Variants in HOXA3 observed in about 807,000 individuals in gnomAD.
HOXA3 encodes the protein homeobox protein Hox-A3.
Under a neutral mutation model 30.3 loss-of-function variants are expected in HOXA3, and 8 were observed. That is an observed-to-expected ratio of 0.26 (90% confidence interval 0.15 to 0.48). HOXA3 has a LOEUF of 0.48. Among genes scored for constraint, HOXA3 ranks in the 20% least tolerant of loss-of-function variants. The pLI is 0.99. For missense variants in HOXA3, 653 were observed against 614.4 expected, an observed-to-expected ratio of 1.06 and a Z score of -0.66; for synonymous variants, 323 against 273.1, an observed-to-expected ratio of 1.18 and a Z score of -1.80.
chr7:27,121,636 TGG>T (rs1324942832), intron 4 of HOXA3, among the ~76,000 whole-genome samples: 1 of 152,222 alleles, frequency 6.6e-6, no homozygotes, highest in Non-Finnish European at 1.5e-5. Flanking sequence ...GATATCTATT[TGG>T]GAGCAAATTT....
chr7:27,110,715 C>T lies in HOXA3; in HGVS notation c.-75G>A. 15 of 1,576,478 alleles carry T rather than the reference C, an allele frequency of 9.5e-6. No individual in the cohort carries two copies. The highest frequency in any genetic ancestry group is 1.3e-5 in the African/African-American group (1 of 74,508). ...CGTGAGGGCGCACATTGGCACGCCC[C>T]CGCGGTCACGTGACACTCCGCCGCC... is the stretch of plus-strand genomic sequence containing the variant. On this transcript the variant is annotated 5_prime_UTR_variant, in exon 5 of 6. Transcript: ENST00000612286.
intron 4 of HOXA3, chr7:27,122,179 G>A (rs892702888): frequency 1.3e-5 from 2 of 152,262 alleles, no homozygotes; most frequent in African/African-American, 2.4e-5. Context: ...TCGACAAAGA[G>A]AGCAGCCCAC....
At chr7:27,114,300 T>C (rs1784553612) in intron 4 of HOXA3, among the ~76,000 whole-genome samples, 1 of 152,134 alleles carries the variant, frequency 6.6e-6, no homozygotes, top group Admixed American at 6.5e-5. Flanking sequence ...GGGCTCTATT[T>C]CTTAGGAATT....
chr7:27,115,095 C>A (rs561787159), intron 4 of HOXA3, among the ~76,000 whole-genome samples: 81 of 150,228 alleles, frequency 5.4e-4, no homozygotes, highest in Non-Finnish European at 1.0e-3. Flanking sequence ...AATCCCAAGG[C>A]GTCAACGGCG....
At chr7:27,111,876 A>G (rs899856024) in intron 4 of HOXA3, among the ~76,000 whole-genome samples, 2 of 152,158 alleles carry the variant, frequency 1.3e-5, no homozygotes, top group Admixed American at 6.5e-5. Flanking sequence ...AATTTGATGT[A>G]TGGGGGTCAT....
At chr7:27,116,455 G>T (rs1350789780) in intron 4 of HOXA3, 4 of 152,382 alleles carry the variant, frequency 2.6e-5, no homozygotes, top group African/African-American at 9.7e-5. Context: ...AGGTAGAAGG[G>T]GACTAGCCTT....
At chr7:27,143,409 C>G in intron 1 of HOXA3, 1 of 1,610,842 alleles carries the variant, frequency 6.2e-7, no homozygotes, top group Non-Finnish European at 8.5e-7. Context: ...GCGCGCTCTC[C>G]GGAGCCAAAG....
At chr7:27,139,857 A>G (rs984155097) in intron 2 of HOXA3, among the ~76,000 whole-genome samples, 4 of 152,216 alleles carry the variant, frequency 2.6e-5, no homozygotes, top group East Asian at 1.9e-4. Context: ...TGCTGCAATT[A>G]AAGTTAGGCC....
chr7:27,137,650 G>C (rs1345557003), intron 2 of HOXA3, among the ~76,000 whole-genome samples: 1 of 152,226 alleles, frequency 6.6e-6, no homozygotes, highest in African/African-American at 2.4e-5. Context: ...ACATAGGTCT[G>C]ACTGCATGAT....
At chr7:27,111,841 G>C (rs1458327688) in intron 4 of HOXA3, among the ~76,000 whole-genome samples, 2 of 152,156 alleles carry the variant, frequency 1.3e-5, no homozygotes, top group African/African-American at 2.4e-5. Flanking sequence ...AACGATAATA[G>C]GTTCTGTCTT....
rs1465521664 is a variant in HOXA3 at position 27,110,374 on chromosome 7, G to A, written c.267C>T (p.Pro89=). The A allele has an allele frequency of 2.0e-6, 3 of 1,517,318 alleles. No individual in the cohort carries two copies. The highest frequency in any genetic ancestry group is 1.3e-5 in the South Asian group (1 of 78,994). 94.0% of individuals were successfully genotyped at this position (1,517,318 alleles called of 1,614,324 possible). A position where few individuals can be genotyped will look rare whatever the true frequency, so the allele number is the denominator to read the frequency against. ...PSQPPSLGEP[P]LHPPPPQAAP... ...CGGCCTGGGGCGGCGGCGGGTGCAGGGGCGGCTCTCCCAGGCTTGGAGGCT... is the reference window on the plus strand; with the variant it reads ...CGGCCTGGGGCGGCGGCGGGTGCAGAGGCGGCTCTCCCAGGCTTGGAGGCT... Residue 89 remains proline, a synonymous_variant, in exon 5 of 6, where the codon CCC becomes CCT. Coordinates refer to ENST00000612286, the MANE Select transcript of HOXA3 (RefSeq NM_153631.3).
At chr7:27,117,670 G>A (rs1583382181) in intron 4 of HOXA3, among the ~76,000 whole-genome samples, 2 of 152,146 alleles carry the variant, frequency 1.3e-5, no homozygotes, top group South Asian at 2.1e-4. Context: ...TCTTCCAGCT[G>A]CTCCGGCTGC....
chr7:27,127,447 C>T (rs1371942873), intron 2 of HOXA3, among the ~76,000 whole-genome samples: 1 of 152,200 alleles, frequency 6.6e-6, no homozygotes, highest in Non-Finnish European at 1.5e-5. Context: ...CTGACACTGG[C>T]TAAAGGGTTT....
Position 27,108,089 on chromosome 7 carries a change from A to T in HOXA3, c.1158T>A (p.Thr386=). Residue 386 remains threonine, a synonymous_variant, in exon 6 of 6, where the codon ACT becomes ACA. Transcript: ENST00000612286. This position sits in a 1 kb window ranked among gnomAD's most constrained non-coding sequence, Gnocchi z 5.0. ...CGCCCGAGGCAGCGTGGGGGAGGTG[A>T]GTTAGACCAAAGAGGGCTGGCCCGG... is the stretch of plus-strand genomic sequence containing the variant. ...SNSGPALFGL[T]HLPHAASGAM... 6.2e-7 allele frequency: 1 copy of T among 1,612,546 alleles called. No individual in the cohort carries two copies. The highest frequency in any genetic ancestry group is 8.5e-7 in the Non-Finnish European group (1 of 1,178,972).
In HOXA3 at chr7:27,108,692, C is replaced by A; in HGVS notation, c.555G>T (p.Pro185=). 6.2e-7 allele frequency: 1 copy of A among 1,605,974 alleles called. No homozygotes were observed. The highest frequency in any genetic ancestry group is 8.5e-7 in the Non-Finnish European group (1 of 1,174,206). ...SGESCAGDKS[P]PGQASSKRAR... ...CGCGCTTGGACGAAGCCTGCCCCGG[C>A]GGGCTCTTGTCGCCAGCGCAGCTTT... Residue 185 remains proline, a synonymous_variant, in exon 6 of 6, where the codon CCG becomes CCT. Coordinates refer to ENST00000612286, the MANE Select transcript of HOXA3 (RefSeq NM_153631.3). The surrounding 1 kb of genome is among the most constrained non-coding windows in gnomAD (Gnocchi z 5.0).
In HOXA3 at chr7:27,110,769, G is replaced by A. The variant is rs1435897538; in HGVS notation, c.-120-9C>T. ...GGCCGCCCCGCGCAGACCTGGTGGG[G>A]CGAGAAGCGCAGCGCGGTGAGGGCT... On this transcript the variant is annotated splice_polypyrimidine_tract_variant and intron_variant, in intron 4 of 5. Coordinates refer to ENST00000612286, the MANE Select transcript of HOXA3 (RefSeq NM_153631.3). 9.7e-6 allele frequency: 14 copies of A among 1,442,294 alleles called. No homozygotes were observed. The highest frequency in any genetic ancestry group is 8.4e-5 in the African/African-American group (6 of 71,828). The allele number at this position is 1,442,294 out of a possible 1,614,324, so 89.3% of individuals were successfully genotyped here.
At chr7:27,114,643 C>T (rs1223466641) in intron 4 of HOXA3, among the ~76,000 whole-genome samples, 1 of 147,990 alleles carries the variant, frequency 6.8e-6, no homozygotes, top group East Asian at 2.1e-4. Context: ...TGTTTAGAAA[C>T]GCGGATCTCC....
At chr7:27,147,754 G>C (rs777590094) in intron 1 of HOXA3, 2 of 1,601,646 alleles carry the variant, frequency 1.2e-6, no homozygotes, top group South Asian at 1.1e-5. Context: ...ACTCATTTGC[G>C]CGCCCCTCTG....
In HOXA3 at chr7:27,108,545, C is replaced by G. The variant is rs745812862; in HGVS notation, c.702G>C (p.Gln234His). Residue 234 changes from glutamine to histidine, a missense_variant, in exon 6 of 6, where the codon CAG (glutamine) becomes CAC (histidine). By Grantham distance (24) the Gln-to-His change is conservative. This residue lies in a region of HOXA3 where 320 missense variants were observed against 321.9 expected (regional missense o/e 0.99). Transcript: ENST00000612286. This position sits in a 1 kb window ranked among gnomAD's most constrained non-coding sequence, Gnocchi z 5.0. The part of the protein sequence containing the change: ...MANLLNLTER[Q>H]IKIWFQNRRM... The stretch of plus-strand genomic sequence containing the variant: ...GGCGATTCTGGAACCAGATCTTGAT[C>G]TGGCGCTCAGTGAGGTTCAGCAGAT... The G allele has an allele frequency of 6.2e-6, 10 of 1,614,068 alleles. No homozygotes were observed. Among genetic ancestry groups the G allele is most frequent in the Non-Finnish European group, 7.6e-6 (9 of 1,180,022 alleles).
Sources: allele counts gnomAD v4.1 joint callset (sites outside exome capture counted in the v4.1 genomes callset), GRCh38; gene constraint gnomAD v4.1.1; regional missense constraint gnomAD v4.1.1; non-coding constraint Gnocchi (gnomAD v3.1); transcripts MANE v1.5; gene names NCBI Gene and HGNC (gene_info 2026-07-23, HGNC 2026-07-21).